Variants in CEMIP2 observed in about 807,000 individuals in gnomAD.
The protein encoded by CEMIP2 is cell surface hyaluronidase CEMIP2.
A neutral mutation model predicts 146.9 loss-of-function variants in CEMIP2; 79 were observed. The ratio of observed to expected loss-of-function variants is 0.54; its 90% CI spans 0.45 to 0.65. The LOEUF is 0.65. CEMIP2 is among the 30% of genes least tolerant of loss of function. The pLI is 0.00. For missense variants in CEMIP2, 1,596 were observed against 1,696.2 expected, an observed-to-expected ratio of 0.94 and a Z score of 1.04; for synonymous variants, 601 against 606.3, an observed-to-expected ratio of 0.99 and a Z score of 0.13.
At chr9:71,746,174 T>C in intron 3 of CEMIP2, 27 bp downstream of exon 3, 2 of 1,606,058 alleles carry the variant, frequency 1.2e-6, no homozygotes, top group Non-Finnish European at 1.7e-6. Context: ...AACCTTGCAG[T>C]TCCCATAGGC....
chr9:71,701,146 C>G (rs1420215271), intron 18 of CEMIP2, among the ~76,000 whole-genome samples: 1 of 152,092 alleles, frequency 6.6e-6, no homozygotes, highest in Non-Finnish European at 1.5e-5. Context: ...TGCTCTTTCA[C>G]TCAGGCTGGA....
chr9:71,714,409 C>A (rs1822991424), intron 15 of CEMIP2, among the ~76,000 whole-genome samples: 1 of 152,020 alleles, frequency 6.6e-6, no homozygotes, highest in South Asian at 2.1e-4. Context: ...TACCCCATTC[C>A]CTTCAACATC....
intron 3 of CEMIP2, 150 bp downstream of exon 3, chr9:71,746,051 C>A: frequency 1.1e-6 from 1 of 881,360 alleles, no homozygotes; most frequent in Admixed American, 3.1e-5. Context: ...CTGGTTTTAT[C>A]TCATGATCTT....
At chr9:71,737,940 C>T (rs964579816) in intron 5 of CEMIP2, among the ~76,000 whole-genome samples, 3 of 151,996 alleles carry the variant, frequency 2.0e-5, no homozygotes, top group East Asian at 1.9e-4. Flanking sequence ...TCAAAACAAC[C>T]GTGAGAGACA....
rs147155778 is a variant in CEMIP2 at position 71,715,236 on chromosome 9, GCTT to G, written c.2436-150_2436-148del. 4.5e-3 allele frequency: 1,711 copies of G among 378,850 alleles called. 4 individuals are homozygous for G. Among genetic ancestry groups the G allele is most frequent in the South Asian group, 7.1e-3 (169 of 23,790 alleles). The allele number at this position is 378,850 out of a possible 1,614,324, so 23.5% of individuals were successfully genotyped here. On this transcript the variant is annotated intron_variant, in intron 14 of 23. Transcript: ENST00000377044. Reference sequence around the variant, plus strand: ...ACACATTCACAAGTCTTCAGAAACTGCTTTTTTTTTTTTTTTTTTTTTTTGAGA... The same window carrying G: ...ACACATTCACAAGTCTTCAGAAACTGTTTTTTTTTTTTTTTTTTTTTGAGA...
chr9:71,715,124 TC>T (rs745323076), intron 14 of CEMIP2, 35 bp from the exon 15 acceptor site: 1 of 1,602,282 alleles, frequency 6.2e-7, no homozygotes, highest in South Asian at 1.1e-5. Flanking sequence ...GCTACATTTC[TC>T]CAGAAAATTT....
In CEMIP2 at chr9:71,715,001, C is replaced by G. The variant is rs1307119747; in HGVS notation, c.2524G>C (p.Gly842Arg). The change falls in exon 15 of 24, where the codon GGT becomes CGT. Residue 842 changes from glycine to arginine, a missense_variant. Physicochemically the swap from Gly to Arg is moderately radical, Grantham distance 125. Coordinates refer to ENST00000377044, the MANE Select transcript of CEMIP2 (RefSeq NM_013390.3). The part of the protein sequence containing the change: ...VGESRNYGFQ[G>R]GQNKYVGTGG... ...GTGCCTACATACTTGTTCTGACCAC[C>G]CTGAAAGCCGTAATTCCTGCTCTCC... 1.2e-6 allele frequency: 2 copies of G among 1,613,982 alleles called. No individual in the cohort carries two copies.
At position 71,698,048 on chromosome 9, in the gene CEMIP2, C is replaced by T. The variant is rs142314012; in HGVS notation, c.3534G>A (p.Pro1178=). 2.4e-5 allele frequency: 39 copies of T among 1,614,150 alleles called. No individual in the cohort carries two copies. In the East Asian group the frequency reaches 6.5e-4, roughly 27 times the overall value. The change falls in exon 20 of 24, where the codon CCG becomes CCA. Residue 1178 remains proline (P), a synonymous_variant. Transcript: ENST00000377044. The part of the protein sequence containing the change: ...AKAYPQYYRK[P]SVVKRMPAML... Reference sequence around the variant, plus strand: ...TGGCCGGCATCCGCTTGACCACTGACGGCTTTCTGTAGTACTGTGGGTATG... The same window carrying T: ...TGGCCGGCATCCGCTTGACCACTGATGGCTTTCTGTAGTACTGTGGGTATG...
At chr9:71,761,534 T>C (rs1824638243) in intron 1 of CEMIP2, among the ~76,000 whole-genome samples, 1 of 152,242 alleles carries the variant, frequency 6.6e-6, no homozygotes. Flanking sequence ...TTTCTATCAA[T>C]GGCAGGGCCA....
chr9:71,687,719 C>T lies in CEMIP2; in HGVS notation c.3852-1873G>A, dbSNP rs575794424. Among the ~76,000 whole-genome samples, 6 of 152,068 alleles carry T rather than the reference C, an allele frequency of 3.9e-5. No homozygotes were observed. The East Asian group carries it at 1.2e-3, about 29-fold the overall frequency. ...AACAAAAACAAAAACAAAAAATAACCAGCCAGGCTGGTGGTGTGCACGTGT... is the reference window on the plus strand; with the variant it reads ...AACAAAAACAAAAACAAAAAATAACTAGCCAGGCTGGTGGTGTGCACGTGT... On this transcript the variant is annotated intron_variant, in intron 22 of 23. Coordinates refer to ENST00000377044, the MANE Select transcript of CEMIP2 (RefSeq NM_013390.3).
rs373079809 is a variant in CEMIP2 at position 71,745,480 on chromosome 9, G to C, written c.572C>G (p.Ala191Gly). The change falls in exon 4 of 24, where the codon GCA becomes GGA. Residue 191 changes from alanine (A) to glycine (G), a missense_variant. Transcript: ENST00000377044. ...IQDGGALHIG[A>G]EKCRYKSKAT... ...TTTGGATTTATAGCGGCATTTTTCT[G>C]CTCCAATATGAAGCGCCCCACCATC... 27 of 1,613,630 alleles carry C rather than the reference G, an allele frequency of 1.7e-5. No individual in the cohort carries two copies. In the South Asian group the frequency reaches 2.7e-4, roughly 16 times the overall value.
intron 1 of CEMIP2, among the ~76,000 whole-genome samples, chr9:71,763,316 C>T (rs555229498): frequency 7.9e-5 from 12 of 152,152 alleles, no homozygotes; most frequent in Non-Finnish European, 1.8e-4. Context: ...GCCCCCAAAT[C>T]GATAACAATT....
intron 17 of CEMIP2, among the ~76,000 whole-genome samples, chr9:71,706,055 C>T (rs750522872): frequency 6.6e-5 from 10 of 151,840 alleles, no homozygotes; most frequent in Non-Finnish European, 1.5e-4. Flanking sequence ...ATGGTGAAAT[C>T]CCGTCTCTAT....
chr9:71,714,834 T>C (rs1346715450), intron 15 of CEMIP2, 100 bp downstream of exon 15: 1 of 1,264,544 alleles, frequency 7.9e-7, no homozygotes, highest in Non-Finnish European at 1.1e-6. Context: ...AGTCTCATGG[T>C]AGGAACCAAT....
chr9:71,749,935 T>G, intron 2 of CEMIP2, 108 bp downstream of exon 2: 2 of 873,424 alleles, frequency 2.3e-6, no homozygotes, highest in Non-Finnish European at 3.4e-6. Context: ...CCTAACTACA[T>G]ATTAGTTAGC....
intron 12 of CEMIP2, among the ~76,000 whole-genome samples, chr9:71,719,990 G>C (rs1052951561): frequency 2.6e-5 from 4 of 152,122 alleles, no homozygotes; most frequent in African/African-American, 9.7e-5. Flanking sequence ...AAAGTAATCA[G>C]TAACTGACCA....
In CEMIP2 at chr9:71,692,902, A is replaced by AAAAC. The variant is rs1379350475; in HGVS notation, c.3696+1603_3696+1606dup. Among the ~76,000 whole-genome samples the AAAAC allele has an allele frequency of 1.2e-4, 17 of 140,674 alleles. 1 individual carries two copies. Among genetic ancestry groups the AAAAC allele is most frequent in the East Asian group, 4.3e-4 (2 of 4,598 alleles). 92.3% of individuals were successfully genotyped at this position (140,674 alleles called of 152,430 possible). A position where few individuals can be genotyped will look rare whatever the true frequency, so the allele number is the denominator to read the frequency against. On this transcript the variant is annotated intron_variant, in intron 21 of 23. Coordinates refer to ENST00000377044, the MANE Select transcript of CEMIP2 (RefSeq NM_013390.3). The stretch of plus-strand genomic sequence containing the variant: ...GGGTGAAGAGGGAGACCCTGTCTCA[A>AAAAC]AAACAAACAAACAAACAAACGACAA...
In CEMIP2 at chr9:71,744,998, T is replaced by G. The variant is rs770197176; in HGVS notation, c.1034+20A>C. ...ACAGACACGGACTCTGATAGGGATC[T>G]GGGAAGAAGGTATGCCTACCTGTAG... On this transcript the variant is annotated intron_variant, in intron 4 of 23. Coordinates refer to ENST00000377044, the MANE Select transcript of CEMIP2 (RefSeq NM_013390.3). 36 of 1,603,740 alleles carry G rather than the reference T, an allele frequency of 2.2e-5. No individual in the cohort carries two copies. The highest frequency in any genetic ancestry group is 1.0e-4 in the Admixed American group (6 of 59,224).
intron 8 of CEMIP2, among the ~76,000 whole-genome samples, 200 bp from the exon 9 acceptor site, chr9:71,730,453 A>C (rs550510642): frequency 6.6e-6 from 1 of 152,282 alleles, no homozygotes; most frequent in African/African-American, 2.4e-5. Context: ...AAAAAAATAA[A>C]AATAAGTTGT....
Sources: gnomAD v4.1 joint callset for allele counts (sites outside exome capture counted in the v4.1 genomes callset) on GRCh38, gnomAD v4.1.1 for gene constraint, MANE v1.5 for transcripts, NCBI Gene and HGNC (gene_info 2026-07-23, HGNC 2026-07-21) for gene names.